Variants in ZNF28 observed in about 807,000 individuals in gnomAD.
ZNF28 encodes the protein zinc finger protein 28, also known as zinc finger protein KOX24.
In ZNF28, 5 loss-of-function variants were observed where a neutral mutation model predicts 7.2. The observed-to-expected ratio is 0.70, with a 90% CI of 0.36 to 1.46. ZNF28 has a LOEUF of 1.46. Among genes scored for constraint, ZNF28 ranks in the 40% most tolerant of loss-of-function variants. The pLI is 0.03. For synonymous variants in ZNF28, 288 were observed against 292.4 expected, an observed-to-expected ratio of 0.99 and a Z score of 0.15; for missense variants, 879 against 866.6, an observed-to-expected ratio of 1.01 and a Z score of -0.18.
At chr19:52,810,838 AGTCCCTCTCCC>A (rs2063015133) in intron 2 of ZNF28, 1 of 204,910 alleles carries the variant, frequency 4.9e-6, no homozygotes, top group African/African-American at 4.2e-5. Context: ...TTAAAAAAAG[AGTCCCTCTCCC>A]TCTCCCTCTC....
intron 1 of ZNF28, among the ~76,000 whole-genome samples, chr19:52,820,551 C>A (rs1490281243): frequency 6.6e-6 from 1 of 152,084 alleles, no homozygotes; most frequent in Non-Finnish European, 1.5e-5. Flanking sequence ...TGGACCCAGT[C>A]TGGCACCCCA....
intron 3 of ZNF28, among the ~76,000 whole-genome samples, chr19:52,803,293 C>G (rs2062896985): frequency 6.6e-6 from 1 of 151,660 alleles, no homozygotes; most frequent in Admixed American, 6.6e-5. Flanking sequence ...GTTGGCCAGG[C>G]TGGTCTCGAA....
intron 2 of ZNF28, among the ~76,000 whole-genome samples, chr19:52,817,250 T>C (rs1337589858): frequency 2.6e-5 from 4 of 152,032 alleles, no homozygotes; most frequent in African/African-American, 9.7e-5. Flanking sequence ...CGCATGCTTG[T>C]AATGCCAGCT....
chr19:52,810,886 CCTCCCCCTCCCCCTCCCTCTCCCT>C (rs1244478478), intron 2 of ZNF28, among the ~76,000 whole-genome samples: 51 of 36,998 alleles, frequency 1.4e-3, no homozygotes, highest in Admixed American at 2.5e-3. Flanking sequence ...TCCCCCTCCC[CCTCCCCCTCCCCCTCCCTCTCCCT>C]CTCCCTCCAC....
intron 2 of ZNF28, among the ~76,000 whole-genome samples, chr19:52,812,502 C>A (rs1195939584): frequency 8.1e-6 from 1 of 123,288 alleles, no homozygotes; most frequent in African/African-American, 3.5e-5. Flanking sequence ...GTGCTGTGTC[C>A]ACTCAGGGTT....
intron 2 of ZNF28, chr19:52,810,653 G>A (rs2063008831): frequency 1.7e-6 from 2 of 1,183,604 alleles, no homozygotes; most frequent in Non-Finnish European, 2.5e-6. Flanking sequence ...AGCAGGCTCT[G>A]GGGTCGCGTC....
chr19:52,801,525 T>C lies in ZNF28; in HGVS notation c.320A>G (p.Asn107Ser), dbSNP rs769665391. The C allele has an allele frequency of 5.6e-6, 9 of 1,614,186 alleles. No homozygotes were observed. Among genetic ancestry groups the C allele is most frequent in the Non-Finnish European group, 7.6e-6 (9 of 1,180,006 alleles). The stretch of plus-strand genomic sequence containing the variant: ...TTCTGTCATGGGTGCTGCATGGTCA[T>C]TTGTTTCATCTTCTTTCCACTGAAA... ...FQFQWKEDET[N>S]DHAAPMTEIK... The change falls in exon 4 of 4, where the codon AAT (asparagine) becomes AGT (serine). Residue 107 changes from asparagine (N) to serine (S), a missense_variant. Around this residue, in one of 2 missense-constraint regions of ZNF28, gnomAD observed 864 missense variants for 830.2 expected, o/e 1.04. Coordinates refer to ENST00000457749, the MANE Select transcript of ZNF28 (RefSeq NM_006969.5).
chr19:52,811,261 G>A (rs1370099134), intron 2 of ZNF28, among the ~76,000 whole-genome samples: 7 of 151,560 alleles, frequency 4.6e-5, no homozygotes, highest in African/African-American at 9.7e-5. Context: ...CCTCCCAGCC[G>A]CCTGCCTTGG....
chr19:52,809,946 G>GGGGGCGCA, intron 2 of ZNF28: 1 of 834,012 alleles, frequency 1.2e-6, no homozygotes, highest in South Asian at 1.4e-5. Context: ...GGTTGCCCCG[G>GGGGGCGCA]GGGGCGCAGG....
intron 2 of ZNF28, among the ~76,000 whole-genome samples, chr19:52,811,693 C>T (rs1189453759): frequency 3.3e-4 from 48 of 144,376 alleles, no homozygotes; most frequent in Middle Eastern, 3.6e-3. Context: ...CCCCTCCGTC[C>T]GGCAACCACC....
At chr19:52,820,443 T>A (rs1049521018) in intron 1 of ZNF28, among the ~76,000 whole-genome samples, 1 of 151,448 alleles carries the variant, frequency 6.6e-6, no homozygotes, top group African/African-American at 2.4e-5. Flanking sequence ...TTGGTCCTTC[T>A]CCCCAATCTT....
chr19:52,817,144 AG>A (rs1166497123), intron 2 of ZNF28, among the ~76,000 whole-genome samples: 1 of 152,100 alleles, frequency 6.6e-6, no homozygotes, highest in Non-Finnish European at 1.5e-5. Flanking sequence ...AAGCCAAAGT[AG>A]GCGGATCGCC....
At chr19:52,809,474 T>C (rs1295241955) in intron 2 of ZNF28, among the ~76,000 whole-genome samples, 1 of 152,050 alleles carries the variant, frequency 6.6e-6, no homozygotes, top group African/African-American at 2.4e-5. Context: ...TGGCGTCTAC[T>C]TGAGGGTGGA....
chr19:52,813,356 G>A (rs901281013), intron 2 of ZNF28, among the ~76,000 whole-genome samples: 1 of 150,860 alleles, frequency 6.6e-6, no homozygotes, highest in Non-Finnish European at 1.5e-5. Context: ...CCAGGGAGTG[G>A]GGCAGGGGGC....
At chr19:52,811,580 C>T (rs563906890) in intron 2 of ZNF28, among the ~76,000 whole-genome samples, 15 of 148,304 alleles carry the variant, frequency 1.0e-4, no homozygotes, top group South Asian at 2.2e-4. Context: ...TCTGCTGGGC[C>T]GCAACCCTGT....
intron 3 of ZNF28, among the ~76,000 whole-genome samples, chr19:52,803,874 T>C (rs1044675991): frequency 9.2e-5 from 14 of 152,066 alleles, no homozygotes. Flanking sequence ...CAGAAAACAT[T>C]TGTACCCAGA....
chr19:52,798,472 C>A lies in ZNF28; in HGVS notation c.*1216G>T. ...CCAAAAGGAATTGTCTGATGGTCTG[C>A]AAGGAGTGATCTCGGACTGAAGACC... On this transcript the variant is annotated 3_prime_UTR_variant, in exon 4 of 4. Coordinates refer to ENST00000457749, the MANE Select transcript of ZNF28 (RefSeq NM_006969.5). 2 of 474,662 alleles carry A rather than the reference C, an allele frequency of 4.2e-6. No individual in the cohort carries two copies. Among genetic ancestry groups the A allele is most frequent in the South Asian group, 3.2e-5 (2 of 62,174 alleles). 29.4% of individuals were successfully genotyped at this position (474,662 alleles called of 1,614,324 possible). A position where few individuals can be genotyped will look rare whatever the true frequency, so the allele number is the denominator to read the frequency against.
At chr19:52,818,489 G>T (rs1036621349) in intron 1 of ZNF28, among the ~76,000 whole-genome samples, 1 of 152,072 alleles carries the variant, frequency 6.6e-6, no homozygotes, top group Non-Finnish European at 1.5e-5. Flanking sequence ...GAGGTGGGTG[G>T]ATTACTTGAG....
In ZNF28 at chr19:52,798,641, T is replaced by C. The variant is rs2062825186; in HGVS notation, c.*1047A>G. On this transcript the variant is annotated 3_prime_UTR_variant, in exon 4 of 4. Coordinates refer to ENST00000457749, the MANE Select transcript of ZNF28 (RefSeq NM_006969.5). The stretch of plus-strand genomic sequence containing the variant: ...TGTATGAATCCTCCTATGTTTTGCA[T>C]AGGATGAAACTTGACTGAAGACCTT... The C allele has an allele frequency of 4.5e-6, 2 of 442,198 alleles. No individual in the cohort carries two copies. Among genetic ancestry groups the C allele is most frequent in the Admixed American group, 2.6e-5 (1 of 38,034 alleles). 27.4% of individuals were successfully genotyped at this position (442,198 alleles called of 1,614,324 possible). A position where few individuals can be genotyped will look rare whatever the true frequency, so the allele number is the denominator to read the frequency against.
Sources: allele counts gnomAD v4.1 joint callset (sites outside exome capture counted in the v4.1 genomes callset), GRCh38; gene constraint gnomAD v4.1.1; regional missense constraint gnomAD v4.1.1; transcripts MANE v1.5; gene names NCBI Gene and HGNC (gene_info 2026-07-23, HGNC 2026-07-21).